The following INSYN2B variants were observed in gnomAD, a reference collection of about 807,000 sequenced individuals.
INSYN2B encodes inhibitory synaptic factor family member 2B.
INSYN2B carries 16 observed loss-of-function variants against 41.2 expected under a neutral mutation model. That is an observed-to-expected ratio of 0.39 (90% CI 0.26 to 0.59). The LOEUF (loss-of-function observed/expected upper bound fraction) is 0.59. INSYN2B is among the 20% of genes least tolerant of loss of function. The pLI, the probability that INSYN2B is intolerant of heterozygous loss-of-function variation, is 0.57. For synonymous variants in INSYN2B, 245 were observed against 244.4 expected, an observed-to-expected ratio of 1.00 and a Z score of -0.02; for missense variants, 608 against 646.4, an observed-to-expected ratio of 0.94 and a Z score of 0.64.
intron 1 of INSYN2B, among the ~76,000 whole-genome samples, chr5:169,895,901 C>A (rs1773569972): frequency 6.6e-6 from 1 of 152,184 alleles, no homozygotes; most frequent in South Asian, 2.1e-4. Flanking sequence ...TGGCTTCCAA[C>A]CTTCCTTCCT....
chr5:169,913,532 C>T (rs1774717774), intron 1 of INSYN2B, among the ~76,000 whole-genome samples: 1 of 152,078 alleles, frequency 6.6e-6, no homozygotes, highest in African/African-American at 2.4e-5. Context: ...AAATGCATTA[C>T]TCAAAAGGAG....
At chr5:169,933,800 A>G (rs773352143) in intron 1 of INSYN2B, among the ~76,000 whole-genome samples, 2 of 152,022 alleles carry the variant, frequency 1.3e-5, no homozygotes, top group Non-Finnish European at 2.9e-5. Context: ...CAACATGCAG[A>G]TTTATGAGGT....
chr5:169,891,678 C>T (rs1773290156), intron 1 of INSYN2B, among the ~76,000 whole-genome samples: 1 of 152,054 alleles, frequency 6.6e-6, no homozygotes, highest in African/African-American at 2.4e-5. Context: ...CTTCTACCTG[C>T]AAGTGCTTCA....
At chr5:169,905,833 A>T (rs988617856) in intron 1 of INSYN2B, among the ~76,000 whole-genome samples, 7 of 152,250 alleles carry the variant, frequency 4.6e-5, no homozygotes, top group African/African-American at 1.7e-4. Flanking sequence ...TTTGGGGCAG[A>T]TGTAGCAGCC....
intron 1 of INSYN2B, among the ~76,000 whole-genome samples, chr5:169,929,936 C>A (rs962433680): frequency 6.6e-6 from 1 of 152,092 alleles, no homozygotes; most frequent in Admixed American, 6.6e-5. Context: ...ACATATTAAA[C>A]ATTGAAATAG....
chr5:169,956,991 G>T (rs1776894252), intron 1 of INSYN2B, among the ~76,000 whole-genome samples: 1 of 151,892 alleles, frequency 6.6e-6, no homozygotes. Flanking sequence ...AAAACCACAG[G>T]AGCAATACAA....
intron 1 of INSYN2B, among the ~76,000 whole-genome samples, chr5:169,931,594 T>C (rs764638658): frequency 5.9e-5 from 9 of 152,248 alleles, no homozygotes; most frequent in Non-Finnish European, 1.0e-4. Context: ...TTATTCGCTG[T>C]TTGACTTTGG....
At chr5:169,945,275 T>G (rs1361542442) in intron 1 of INSYN2B, among the ~76,000 whole-genome samples, 3 of 152,258 alleles carry the variant, frequency 2.0e-5, no homozygotes, top group Non-Finnish European at 4.4e-5. Context: ...AATACCATAC[T>G]AACGCCTTAG....
chr5:169,881,357 T>C lies in INSYN2B; in HGVS notation c.1421+11A>G. 1 of 1,550,526 alleles carries C rather than the reference T, an allele frequency of 6.4e-7. No individual in the cohort carries two copies. Among genetic ancestry groups the C allele is most frequent in the Non-Finnish European group, 8.7e-7 (1 of 1,145,934 alleles). The stretch of plus-strand genomic sequence containing the variant: ...TGGTCTACAGAGCAGGCCTCGCTTG[T>C]GGCCAGGTACCTGTATATGATGCAC... On this transcript the variant is annotated intron_variant, in intron 3 of 3. Transcript: ENST00000377365.
intron 1 of INSYN2B, among the ~76,000 whole-genome samples, chr5:169,892,575 C>T (rs140567362): frequency 1.8e-4 from 28 of 152,324 alleles, no homozygotes; most frequent in South Asian, 1.5e-3. Flanking sequence ...GAGGCCTCTC[C>T]GATGGATGGG....
intron 1 of INSYN2B, among the ~76,000 whole-genome samples, chr5:169,896,575 T>C (rs1773623554): frequency 6.6e-6 from 1 of 152,220 alleles, no homozygotes; most frequent in African/African-American, 2.4e-5. Flanking sequence ...CATAAATCTT[T>C]CAGAAAAGCG....
chr5:169,944,414 C>A (rs1338032383), intron 1 of INSYN2B, among the ~76,000 whole-genome samples: 1 of 152,194 alleles, frequency 6.6e-6, no homozygotes, highest in Admixed American at 6.5e-5. Context: ...TGGCCTTCTC[C>A]AGCCCCAGTT....
intron 1 of INSYN2B, among the ~76,000 whole-genome samples, chr5:169,978,405 G>GGGGGGGGGT (rs1777809622): frequency 1.1e-5 from 1 of 95,018 alleles, no homozygotes; most frequent in Non-Finnish European, 2.2e-5. Flanking sequence ...GGGGGGGGGG[G>GGGGGGGGGT]TGTAGGTGTG....
chr5:169,906,928 G>T (rs965794788), intron 1 of INSYN2B, among the ~76,000 whole-genome samples: 2 of 152,128 alleles, frequency 1.3e-5, no homozygotes, highest in Non-Finnish European at 2.9e-5. Flanking sequence ...TGTCTAGAGG[G>T]AAATACTATC....
rs139729095 is a variant in INSYN2B at position 169,899,494 on chromosome 5, G to A, written c.-918-14678C>T. Among the ~76,000 whole-genome samples, 4 of 152,336 alleles carry A rather than the reference G, an allele frequency of 2.6e-5. No homozygotes were observed. The East Asian group carries it at 7.7e-4, about 29-fold the overall frequency. ...GTCAAAAATGAGCCTTGGTTTCTCA[G>A]TCTTGCTTGCCTCAAATGGACTTGA... On this transcript the variant is annotated intron_variant, in intron 1 of 3. Transcript: ENST00000377365.
At chr5:169,970,903 C>T (rs1273575703) in intron 1 of INSYN2B, among the ~76,000 whole-genome samples, 2 of 151,938 alleles carry the variant, frequency 1.3e-5, no homozygotes, top group African/African-American at 4.8e-5. Flanking sequence ...TCCGAATATA[C>T]GTATGGGAGC....
chr5:169,864,330 C>T lies in INSYN2B; in HGVS notation c.1551G>A (p.Lys517=). 1 of 1,551,606 alleles carries T rather than the reference C, an allele frequency of 6.4e-7. No homozygotes were observed. The highest frequency in any genetic ancestry group is 1.2e-5 in the South Asian group (1 of 84,052). Residue 517 remains lysine, a synonymous_variant, in exon 4 of 4, where the codon AAG becomes AAA. Coordinates refer to ENST00000377365, the MANE Select transcript of INSYN2B (RefSeq NM_001129891.3). ...KSPAEPPAPE[K]QDLRRKTKKV... The stretch of plus-strand genomic sequence containing the variant: ...TCTTGGTTTTCCGCCTTAAGTCCTG[C>T]TTTTCCGGGGCTGGGGGTTCTGCTG...
At position 169,883,442 on chromosome 5, in the gene INSYN2B, A is replaced by G. The variant is rs1331266883; in HGVS notation, c.457T>C (p.Leu153=). The part of the protein sequence containing the change: ...IVSSDLAYLR[L]AQHLEDGPRR... ...GGCCCATCCTCAAGATGCTGAGCCA[A>G]CCTTAAGTAGGCAAGGTCAGAAGAC... Residue 153 remains leucine (L), a synonymous_variant, in exon 2 of 4, where the codon TTG becomes CTG. Transcript: ENST00000377365. The G allele has an allele frequency of 6.4e-7, 1 of 1,551,678 alleles. No homozygotes were observed.
chr5:169,880,887 CA>C (rs1460382448), intron 3 of INSYN2B, among the ~76,000 whole-genome samples: 2 of 152,170 alleles, frequency 1.3e-5, no homozygotes, highest in Non-Finnish European at 2.9e-5. Flanking sequence ...TAGAAATGAA[CA>C]TAAAGTTCTT....
Sources: gnomAD v4.1 joint callset for allele counts (sites outside exome capture counted in the v4.1 genomes callset) on GRCh38, gnomAD v4.1.1 for gene constraint, MANE v1.5 for transcripts, NCBI Gene and HGNC (gene_info 2026-07-23, HGNC 2026-07-21) for gene names.